CCDC138: variants seen among roughly 807,000 people sequenced by gnomAD.
The protein encoded by CCDC138 is coiled-coil domain containing 138, also known as coiled-coil domain-containing protein 138.
Under a neutral mutation model 82.3 loss-of-function variants are expected in CCDC138, and 66 were observed. The ratio of observed to expected loss-of-function variants is 0.80; its 90% CI spans 0.66 to 0.98. The LOEUF is 0.98. Ranked by LOEUF, CCDC138 falls within the 50% of genes least tolerant of loss-of-function variation. CCDC138 has a pLI of 0.00. For synonymous variants in CCDC138, 297 were observed against 265.4 expected (o/e 1.12, Z -1.16); for missense variants, 816 against 758.9 (o/e 1.08, Z -0.88).
At chr2:108,838,377 C>T (rs75211837) in intron 10 of CCDC138, among the ~76,000 whole-genome samples, 3,055 of 152,156 alleles carry the variant, frequency 0.02, 98 homozygotes, top group African/African-American at 0.07. Context: ...ATCATTAGTC[C>T]GGAGAATCTT....
At chr2:108,870,361 T>TA (rs1344355517) in intron 13 of CCDC138, among the ~76,000 whole-genome samples, 2 of 152,272 alleles carry the variant, frequency 1.3e-5, no homozygotes, top group Admixed American at 6.5e-5. Flanking sequence ...CTGAAGGACT[T>TA]ACGCAGTACC....
Position 108,794,863 on chromosome 2 carries a change from A to G in CCDC138, c.576+142A>G, listed in dbSNP as rs535032803. The G allele has an allele frequency of 3.2e-5, 21 of 649,544 alleles. No homozygotes were observed. In the South Asian group the frequency reaches 4.2e-4, roughly 13 times the overall value. The allele number at this position is 649,544 out of a possible 1,614,324, so 40.2% of individuals were successfully genotyped here. A position where few individuals can be genotyped will look rare whatever the true frequency, so the allele number is the denominator to read the frequency against. ...AGAAGGACGGAAGGGGACAAACTCA[A>G]ATTATAGGGACTAATGAAGGGAAAA... On this transcript the variant is annotated intron_variant, in intron 5 of 14. Coordinates refer to ENST00000295124, the MANE Select transcript of CCDC138 (RefSeq NM_144978.3).
intron 13 of CCDC138, among the ~76,000 whole-genome samples, chr2:108,866,710 C>T (rs150690339): frequency 1.3e-5 from 2 of 152,112 alleles, no homozygotes; most frequent in African/African-American, 2.4e-5. Flanking sequence ...TAGTGAAACC[C>T]CGTCTCTACT....
intron 12 of CCDC138, among the ~76,000 whole-genome samples, chr2:108,848,349 A>G (rs1366015260): frequency 1.3e-5 from 2 of 152,218 alleles, no homozygotes; most frequent in African/African-American, 2.4e-5. Flanking sequence ...GTAATGAGCC[A>G]TGAAAAAATG....
intron 5 of CCDC138, 22 bp downstream of exon 5, chr2:108,794,743 G>T: frequency 6.6e-7 from 1 of 1,509,996 alleles, no homozygotes; most frequent in Non-Finnish European, 9.1e-7. Context: ...ATACTGAATC[G>T]AGAATTCAGA....
At chr2:108,856,652 T>C in intron 12 of CCDC138, 142 bp from the exon 13 acceptor site, 1 of 718,928 alleles carries the variant, frequency 1.4e-6, no homozygotes, top group Non-Finnish European at 2.3e-6. Context: ...AGTTAGAATC[T>C]AAATTTAGAC....
At chr2:108,834,584 T>G (rs1334903657) in intron 10 of CCDC138, among the ~76,000 whole-genome samples, 3 of 152,234 alleles carry the variant, frequency 2.0e-5, no homozygotes, top group African/African-American at 7.2e-5. Flanking sequence ...ATGATTTTGT[T>G]TCATTGTGGT....
chr2:108,812,874 CATGAAATGAAAAGTTT>C lies in CCDC138; in HGVS notation c.990_1005del (p.His330GlnfsTer24), dbSNP rs1684117304. 6.2e-7 allele frequency: 1 copy of C among 1,613,222 alleles called. No individual in the cohort carries two copies. Reference sequence around the variant, plus strand: ...ATTGAAAGGAAGTTCCCATGCTGTTCATGAAATGAAAAGTTTAAAACAAGAAAAAGCACCAGTTTCA... The same window carrying C: ...ATTGAAAGGAAGTTCCCATGCTGTTCAAAACAAGAAAAAGCACCAGTTTCA... On this transcript the variant is annotated frameshift_variant, in exon 9 of 15. Transcript: ENST00000295124. LOFTEE classifies it high-confidence loss of function.
At chr2:108,842,208 T>G (rs984733029) in intron 11 of CCDC138, among the ~76,000 whole-genome samples, 6 of 151,952 alleles carry the variant, frequency 3.9e-5, no homozygotes, top group South Asian at 2.1e-4. Context: ...AAAAGTTTTT[T>G]TTTTTTTTTT....
intron 5 of CCDC138, among the ~76,000 whole-genome samples, chr2:108,795,086 A>T (rs1680636417): frequency 6.6e-6 from 1 of 150,906 alleles, no homozygotes; most frequent in Admixed American, 6.6e-5. Flanking sequence ...GTCAACTCTC[A>T]TCAAAATTGA....
chr2:108,821,258 C>T (rs531601949), intron 10 of CCDC138, among the ~76,000 whole-genome samples: 60 of 151,894 alleles, frequency 4.0e-4, no homozygotes, highest in African/African-American at 1.3e-3. Context: ...CTTTTGAGGC[C>T]GAGGCAGGAG....
At chr2:108,885,335 G>C (rs1273096506) in exon 3 of CCDC138, 3 of 152,200 alleles carry the variant, frequency 2.0e-5, no homozygotes, top group Non-Finnish European at 4.4e-5. Flanking sequence ...GAGAGAAAAA[G>C]TTATTGAGCA....
intron 6 of CCDC138, among the ~76,000 whole-genome samples, chr2:108,800,220 T>G (rs188493104): frequency 6.6e-6 from 1 of 152,194 alleles, no homozygotes; most frequent in Non-Finnish European, 1.5e-5. Context: ...GAGAATATTA[T>G]TGATTTTAAA....
chr2:108,817,474 G>C (rs948988074), intron 10 of CCDC138, among the ~76,000 whole-genome samples: 1 of 151,942 alleles, frequency 6.6e-6, no homozygotes, highest in Non-Finnish European at 1.5e-5. Flanking sequence ...TGTATTTTTA[G>C]TAGAGACGGG....
chr2:108,839,110 A>G, intron 10 of CCDC138, 75 bp from the exon 11 acceptor site: 1 of 1,426,286 alleles, frequency 7.0e-7, no homozygotes, highest in South Asian at 1.5e-5. Flanking sequence ...ATAATTTTGG[A>G]AAATTGTGGT....
chr2:108,845,915 A>G (rs1172971820), intron 11 of CCDC138, among the ~76,000 whole-genome samples: 1 of 152,150 alleles, frequency 6.6e-6, no homozygotes, highest in African/African-American at 2.4e-5. Context: ...TAGATCATAT[A>G]TTATTTTAGA....
rs1172414765 is a variant in CCDC138, at chr2:108,787,902, T to G, written c.94-130T>G. The G allele has an allele frequency of 2.7e-5, 21 of 768,026 alleles. No homozygotes were observed. The East Asian group carries it at 6.7e-4, about 25-fold the overall frequency. The allele number at this position is 768,026 out of a possible 1,614,324, so 47.6% of individuals were successfully genotyped here. On this transcript the variant is annotated intron_variant, in intron 1 of 14. Coordinates refer to ENST00000295124, the MANE Select transcript of CCDC138 (RefSeq NM_144978.3). ...ATTGATGATATTAGTTTTGATCACT[T>G]GGTTAAGATGGTGTCTACAAGATTT...
intron 12 of CCDC138, 63 bp downstream of exon 12, chr2:108,846,993 G>A (rs1690615449): frequency 1.1e-6 from 1 of 895,612 alleles, no homozygotes; most frequent in Admixed American, 2.3e-5. Context: ...ATATATTAAA[G>A]CAATTCTTTT....
chr2:108,883,005 GTCT>G (rs1446871090), intron 2 of CCDC138: 1 of 152,112 alleles, frequency 6.6e-6, no homozygotes, highest in African/African-American at 2.4e-5. Context: ...AAAAGACCTT[GTCT>G]TCTTTATATA....
Sources: gnomAD v4.1 joint callset for allele counts (sites outside exome capture counted in the v4.1 genomes callset) on GRCh38, gnomAD v4.1.1 for gene constraint, MANE v1.5 for transcripts, NCBI Gene and HGNC (gene_info 2026-07-23, HGNC 2026-07-21) for gene names.